Variants in CSMD1 observed in about 807,000 individuals in gnomAD.
CSMD1 encodes the protein CUB and sushi domain-containing protein 1.
CSMD1 carries 213 observed loss-of-function variants against 417.5 expected under a neutral mutation model. That is an observed-to-expected ratio of 0.51 (90% CI 0.46 to 0.57). CSMD1 has a LOEUF of 0.57. Ranked by LOEUF, CSMD1 falls within the 20% of genes least tolerant of loss-of-function variation. The pLI is 0.00. For synonymous variants in CSMD1, 2,862 were observed against 1,736.8 expected (o/e 1.65, Z -16.11); for missense variants, 6,923 against 4,529.7 (o/e 1.53, Z -15.17).
intron 1 of CSMD1, among the ~76,000 whole-genome samples, chr8:4,905,827 AAAAAAAAG>A (rs1423949020): frequency 0.02 from 3,018 of 148,680 alleles, 112 homozygotes; most frequent in African/African-American, 0.069. Context: ...CTCAAAAAAA[AAAAAAAAG>A]AAAAAAAGAA....
chr8:3,638,839 G>A (rs1283416879), intron 7 of CSMD1, among the ~76,000 whole-genome samples: 1 of 152,110 alleles, frequency 6.6e-6, no homozygotes, highest in African/African-American at 2.4e-5. Flanking sequence ...TTGTCTCCAG[G>A]AAGATACCCT....
chr8:4,420,163 A>G (rs1355122958), intron 2 of CSMD1, 98 bp from the exon 3 acceptor site: 3 of 733,164 alleles, frequency 4.1e-6, no homozygotes, highest in South Asian at 3.3e-5. Context: ...ACAGTGGTAT[A>G]TTCACTTGAA....
At chr8:3,496,701 C>T (rs2117319227) in intron 10 of CSMD1, among the ~76,000 whole-genome samples, 1 of 152,116 alleles carries the variant, frequency 6.6e-6, no homozygotes, top group Non-Finnish European at 1.5e-5. Flanking sequence ...TGGCGTGTGC[C>T]TATAGCCCCA....
Position 3,409,481 on chromosome 8 carries a change from C to A in CSMD1, c.1686G>T (p.Glu562Asp). ...TGTTCTGCTGACAGGTGATAACTCT[C>A]TCCCCCACCAGCTCAAAGGCCGCCG... ...ECPAAFELVG[E>D]RVITCQQNNQ... The change falls in exon 13 of 70, where the codon GAG becomes GAT. Residue 562 changes from glutamate (E) to aspartate (D), a missense_variant. Physicochemically the swap from Glu to Asp is conservative, Grantham distance 45. Coordinates refer to ENST00000635120, the MANE Select transcript of CSMD1 (RefSeq NM_033225.6). 1 of 1,611,662 alleles carries A rather than the reference C, an allele frequency of 6.2e-7. No homozygotes were observed. The highest frequency in any genetic ancestry group is 8.5e-7 in the Non-Finnish European group (1 of 1,178,962).
Position 3,942,326 on chromosome 8 carries a change from T to C in CSMD1, c.818+55577A>G, listed in dbSNP as rs574355422. ...CTCCTCTTCCAGTGGAAAAATTGTC[T>C]TCCAAGAAACTGGTGTCAGGCGCCA... On this transcript the variant is annotated intron_variant, in intron 5 of 69. Transcript: ENST00000635120. 1.4e-3 allele frequency among the ~76,000 whole-genome samples: 217 copies of C among 152,278 alleles called. 5 individuals carry two copies. The South Asian group carries it at 0.044, about 31-fold the overall frequency.
At chr8:4,166,449 T>G (rs561951542) in intron 3 of CSMD1, among the ~76,000 whole-genome samples, 1 of 152,280 alleles carries the variant, frequency 6.6e-6, no homozygotes, top group East Asian at 1.9e-4. Context: ...TGAAATAACA[T>G]TTGCAGCAAC....
intron 3 of CSMD1, among the ~76,000 whole-genome samples, chr8:4,129,322 G>A (rs7830971): frequency 0.028 from 4,190 of 152,142 alleles, 198 homozygotes; most frequent in African/African-American, 0.095. Flanking sequence ...TTCATGTGGA[G>A]CCTGGGAATT....
chr8:3,265,939 A>G (rs1801399487), intron 26 of CSMD1, among the ~76,000 whole-genome samples: 1 of 151,944 alleles, frequency 6.6e-6, no homozygotes, highest in Non-Finnish European at 1.5e-5. Flanking sequence ...GGCCAGGGAA[A>G]GGGGTCCAGT....
intron 22 of CSMD1, 112 bp downstream of exon 22, chr8:3,347,880 T>C (rs545383185): frequency 4.7e-6 from 3 of 639,704 alleles, no homozygotes; most frequent in Non-Finnish European, 7.4e-6. Flanking sequence ...ATAAATCATA[T>C]ATAAAAATAT....
intron 5 of CSMD1, among the ~76,000 whole-genome samples, chr8:3,814,557 G>C (rs534878247): frequency 2.6e-5 from 4 of 152,162 alleles, no homozygotes; most frequent in Admixed American, 6.5e-5. Flanking sequence ...TGTGATATCA[G>C]GGTGGATACC....
intron 37 of CSMD1, among the ~76,000 whole-genome samples, chr8:3,173,370 T>C (rs906430648): frequency 6.6e-6 from 1 of 152,200 alleles, no homozygotes; most frequent in African/African-American, 2.4e-5. Flanking sequence ...GATATTTCCA[T>C]GGTCCTTGGT....
intron 3 of CSMD1, among the ~76,000 whole-genome samples, chr8:4,121,944 A>G (rs1802509651): frequency 6.6e-6 from 1 of 152,112 alleles, no homozygotes; most frequent in South Asian, 2.1e-4. Context: ...ATATTAAATG[A>G]TTAGTGAATT....
At chr8:3,920,516 T>C (rs1809167501) in intron 5 of CSMD1, among the ~76,000 whole-genome samples, 2 of 152,176 alleles carry the variant, frequency 1.3e-5, no homozygotes, top group Admixed American at 6.6e-5. Flanking sequence ...CAGTACTATA[T>C]TAAGTACGTT....
At chr8:4,575,398 G>A (rs1212530392) in intron 2 of CSMD1, among the ~76,000 whole-genome samples, 1 of 152,184 alleles carries the variant, frequency 6.6e-6, no homozygotes, top group Admixed American at 6.5e-5. Flanking sequence ...AGAAATTTAA[G>A]TCCTGGGTTG....
At chr8:4,806,558 G>A (rs149393741) in intron 1 of CSMD1, among the ~76,000 whole-genome samples, 1 of 152,124 alleles carries the variant, frequency 6.6e-6, no homozygotes, top group Non-Finnish European at 1.5e-5. Context: ...TATTAACAAA[G>A]AGAGAAATCT....
At chr8:3,403,594 A>G (rs149462890) in intron 15 of CSMD1, among the ~76,000 whole-genome samples, 82 of 152,314 alleles carry the variant, frequency 5.4e-4, no homozygotes, top group African/African-American at 1.9e-3. Flanking sequence ...AGGTTGTAAC[A>G]TATCTGCAAT....
intron 7 of CSMD1, 75 bp downstream of exon 7, chr8:3,708,339 G>T (rs180813896): frequency 8.2e-6 from 10 of 1,219,224 alleles, no homozygotes; most frequent in Middle Eastern, 3.8e-4. Flanking sequence ...GGGTGGGATC[G>T]CTTCTTAACT....
At chr8:4,512,806 T>A (rs1218734897) in intron 2 of CSMD1, among the ~76,000 whole-genome samples, 1 of 144,548 alleles carries the variant, frequency 6.9e-6, no homozygotes, top group African/African-American at 2.5e-5. Flanking sequence ...AGATAGCCCA[T>A]GTTCATGGAT....
intron 5 of CSMD1, among the ~76,000 whole-genome samples, chr8:3,939,888 G>C (rs1332138723): frequency 3.3e-5 from 5 of 152,112 alleles, no homozygotes; most frequent in East Asian, 3.9e-4. Flanking sequence ...GTGAGGGAAT[G>C]AAAGACTACA....
Sources: allele counts gnomAD v4.1 joint callset (sites outside exome capture counted in the v4.1 genomes callset), GRCh38; gene constraint gnomAD v4.1.1; transcripts MANE v1.5; gene names NCBI Gene and HGNC (gene_info 2026-07-23, HGNC 2026-07-21).